Variants in CNTNAP2 observed in about 807,000 individuals in gnomAD.
CNTNAP2 encodes the protein contactin-associated protein-like 2.
In CNTNAP2, 98 loss-of-function variants were observed where a neutral mutation model predicts 155.2. That is an observed-to-expected ratio of 0.63 (90% CI 0.54 to 0.75). The LOEUF is 0.75. CNTNAP2 is among the 30% of genes least tolerant of loss of function. CNTNAP2 has a pLI of 0.00. For synonymous variants in CNTNAP2, 651 were observed against 631.2 expected (o/e 1.03, Z -0.47); for missense variants, 1,727 against 1,688.1 (o/e 1.02, Z -0.40).
intron 18 of CNTNAP2, 92 bp downstream of exon 18, chr7:148,172,570 C>T: frequency 1.7e-6 from 2 of 1,160,458 alleles, no homozygotes; most frequent in South Asian, 2.5e-5. Context: ...AACAAGTGTA[C>T]CTTATTCTGA....
intron 2 of CNTNAP2, among the ~76,000 whole-genome samples, chr7:146,797,131 A>G (rs1042489816): frequency 3.3e-5 from 5 of 152,100 alleles, no homozygotes; most frequent in Non-Finnish European, 7.4e-5. Context: ...GCGAGACTCC[A>G]TCTAGAAAAA....
intron 1 of CNTNAP2, among the ~76,000 whole-genome samples, chr7:146,721,249 T>TTCTCTATATAC (rs1227683383): frequency 8.3e-6 from 1 of 121,184 alleles, no homozygotes; most frequent in Non-Finnish European, 1.7e-5. Flanking sequence ...TCTCTCTATA[T>TTCTCTATATAC]TCTCTATATA....
chr7:146,940,694 T>TACAC lies in CNTNAP2; in HGVS notation c.402+100791_402+100792insCACA, dbSNP rs1164645688. On this transcript the variant is annotated intron_variant, in intron 3 of 23. Transcript: ENST00000361727. ...CACATTAGTGTAGTAAATATATATA[T>TACAC]ATACACACACACACACACACACAAT... Among the ~76,000 whole-genome samples the TACAC allele has an allele frequency of 3.8e-3, 472 of 125,794 alleles. 4 individuals are homozygous for TACAC. The highest frequency in any genetic ancestry group is 9.2e-3 in the Middle Eastern group (2 of 218). 82.5% of individuals were successfully genotyped at this position (125,794 alleles called of 152,430 possible). A position where few individuals can be genotyped will look rare whatever the true frequency, so the allele number is the denominator to read the frequency against.
chr7:146,345,196 C>A (rs887294372), intron 1 of CNTNAP2, among the ~76,000 whole-genome samples: 2 of 152,070 alleles, frequency 1.3e-5, no homozygotes, highest in East Asian at 3.9e-4. Flanking sequence ...ACAAGAGATA[C>A]CATGGCCTGA....
At chr7:146,857,417 A>G (rs1562975572) in intron 3 of CNTNAP2, among the ~76,000 whole-genome samples, 1 of 152,238 alleles carries the variant, frequency 6.6e-6, no homozygotes, top group Non-Finnish European at 1.5e-5. Context: ...CACAGCTTGT[A>G]TTCGTTTGTT....
rs1585176725 is a variant in CNTNAP2 at position 148,188,791 on chromosome 7, A to T, written c.3010+16313A>T. ...CATTATGTACATAGTATTAGCATAT[A>T]TAGCATTTCATTCCCTTGAAACCAC... On this transcript the variant is annotated intron_variant, in intron 18 of 23. Transcript: ENST00000361727. 2.0e-5 allele frequency among the ~76,000 whole-genome samples: 3 copies of T among 152,246 alleles called. No individual in the cohort carries two copies. In the East Asian group the frequency reaches 5.8e-4, roughly 29 times the overall value.
intron 14 of CNTNAP2, among the ~76,000 whole-genome samples, chr7:147,957,721 TA>T (rs1314816023): frequency 6.6e-6 from 1 of 152,142 alleles, no homozygotes; most frequent in Non-Finnish European, 1.5e-5. Flanking sequence ...CCATGAACAT[TA>T]TGTTAGATAC....
chr7:147,463,103 G>A (rs868086931), intron 10 of CNTNAP2, among the ~76,000 whole-genome samples: 8 of 152,184 alleles, frequency 5.3e-5, no homozygotes, highest in African/African-American at 1.9e-4. Flanking sequence ...ACATTTATGA[G>A]ATGAGATTTG....
At chr7:148,117,734 T>C (rs914348506) in intron 15 of CNTNAP2, among the ~76,000 whole-genome samples, 12 of 152,062 alleles carry the variant, frequency 7.9e-5, no homozygotes, top group African/African-American at 2.7e-4. Flanking sequence ...CTTCTTAGAG[T>C]CCCATAGGAC....
chr7:147,077,133 C>T (rs1184160887), intron 4 of CNTNAP2, among the ~76,000 whole-genome samples: 1 of 152,046 alleles, frequency 6.6e-6, no homozygotes, highest in East Asian at 1.9e-4. Flanking sequence ...TTTTCTCATC[C>T]TTAAATTCTT....
chr7:147,653,513 T>G (rs535274524), intron 13 of CNTNAP2, among the ~76,000 whole-genome samples: 2 of 152,310 alleles, frequency 1.3e-5, no homozygotes, highest in South Asian at 4.2e-4. Context: ...GGTAGGGACT[T>G]GCTTCCTGTC....
chr7:147,238,910 G>C (rs1244796819), intron 8 of CNTNAP2, among the ~76,000 whole-genome samples: 1 of 152,052 alleles, frequency 6.6e-6, no homozygotes, highest in Non-Finnish European at 1.5e-5. Flanking sequence ...CTTATTTCTG[G>C]CTTCAATATC....
intron 1 of CNTNAP2, among the ~76,000 whole-genome samples, chr7:146,575,671 C>T (rs1798513280): frequency 6.6e-6 from 1 of 152,122 alleles, no homozygotes; most frequent in Non-Finnish European, 1.5e-5. Context: ...ACTTTTAAAA[C>T]TGAAATATGT....
At chr7:146,833,964 G>T (rs566026645) in intron 2 of CNTNAP2, among the ~76,000 whole-genome samples, 1 of 152,092 alleles carries the variant, frequency 6.6e-6, no homozygotes, top group South Asian at 2.1e-4. Context: ...AGCAGAAGGG[G>T]GTCTCAAAGC....
intron 13 of CNTNAP2, among the ~76,000 whole-genome samples, chr7:147,802,560 G>A (rs374525302): frequency 2.6e-5 from 4 of 152,210 alleles, no homozygotes; most frequent in African/African-American, 7.2e-5. Context: ...GATCACTCGC[G>A]GTTACGAGCT....
intron 1 of CNTNAP2, among the ~76,000 whole-genome samples, chr7:146,537,627 A>G (rs1797889518): frequency 6.6e-6 from 1 of 152,052 alleles, no homozygotes; most frequent in African/African-American, 2.4e-5. Context: ...GTTGGGTGGT[A>G]TGGGAAGATG....
At chr7:148,375,259 TATA>T (rs1798961475) in intron 21 of CNTNAP2, among the ~76,000 whole-genome samples, 1 of 15,284 alleles carries the variant, frequency 6.5e-5, no homozygotes, top group Non-Finnish European at 3.0e-4. Context: ...TATATAAAAC[TATA>T]TATAGTTACA....
chr7:147,366,615 T>TA (rs2116905967), intron 9 of CNTNAP2, among the ~76,000 whole-genome samples: 1 of 152,232 alleles, frequency 6.6e-6, no homozygotes, highest in South Asian at 2.1e-4. Flanking sequence ...TTAGTATAAG[T>TA]AAAACAATAA....
intron 22 of CNTNAP2, among the ~76,000 whole-genome samples, chr7:148,395,308 G>T (rs1799445418): frequency 6.6e-6 from 1 of 151,590 alleles, no homozygotes; most frequent in Admixed American, 6.6e-5. Flanking sequence ...TCTTGGTGGG[G>T]TGTGTGTATC....
Sources: allele counts gnomAD v4.1 joint callset (sites outside exome capture counted in the v4.1 genomes callset), GRCh38; gene constraint gnomAD v4.1.1; transcripts MANE v1.5; gene names NCBI Gene and HGNC (gene_info 2026-07-23, HGNC 2026-07-21).